Variants in PHKA2 observed in about 807,000 individuals in gnomAD.
PHKA2 encodes phosphorylase b kinase regulatory subunit alpha, liver isoform.
In PHKA2, 31 loss-of-function variants were observed where a neutral mutation model predicts 102.0. The ratio of observed to expected loss-of-function variants is 0.30; its 90% CI spans 0.23 to 0.41. The LOEUF is 0.41. Ranked by LOEUF, PHKA2 falls within the 10% of genes least tolerant of loss-of-function variation. The probability of loss-of-function intolerance (pLI) is 1.00; values close to 1 mark genes in which losing one functional copy is unlikely to be tolerated. For missense variants in PHKA2, 858 were observed against 1,023.1 expected, an observed-to-expected ratio of 0.84 and a Z score of 2.20; for synonymous variants, 455 against 416.2, an observed-to-expected ratio of 1.09 and a Z score of -1.13.
chrX:18,907,773 C>T (rs1370220880), intron 22 of PHKA2, 127 bp downstream of exon 22: 1 of 739,134 alleles, frequency 1.4e-6, no homozygotes, highest in African/African-American at 2.1e-5. Context: ...GAAGGGCCCG[C>T]TCCACCTGTG....
In PHKA2 at chrX:18,908,388, C is replaced by A. The variant is rs576361230; in HGVS notation, c.2361-332G>T. On this transcript the variant is annotated intron_variant, in intron 21 of 32. Transcript: ENST00000379942. Reference sequence around the variant, plus strand: ...GCTGGCTAGAAGGCCAAGAATACTACGGAAAAAATTAAGGAGAACTGAGAA... The same window carrying A: ...GCTGGCTAGAAGGCCAAGAATACTAAGGAAAAAATTAAGGAGAACTGAGAA... Among the ~76,000 whole-genome samples, 5 of 112,086 alleles carry A rather than the reference C, an allele frequency of 4.5e-5. No individual in the cohort carries two copies. In the South Asian group the frequency reaches 1.8e-3, roughly 41 times the overall value.
intron 29 of PHKA2, among the ~76,000 whole-genome samples, chrX:18,898,513 G>A (rs1326380935): frequency 8.8e-6 from 1 of 113,154 alleles, no homozygotes; most frequent in African/African-American, 3.2e-5. Flanking sequence ...ACAGTCAAAT[G>A]TAAAGGGTTA....
chrX:18,931,229 T>C (rs888750223), intron 12 of PHKA2, among the ~76,000 whole-genome samples: 9 of 112,153 alleles, frequency 8.0e-5, no homozygotes, highest in Admixed American at 1.9e-4. Flanking sequence ...TGTAGAGATC[T>C]GTGGCCCTTG....
Position 18,908,849 on chromosome X carries a change from G to A in PHKA2, c.2312C>T (p.Ser771Leu), listed in dbSNP as rs370591245. Reference protein sequence around the residue: ...EKLVEQLKDCSNLQDQADILY... With the variant: ...EKLVEQLKDCLNLQDQADILY... The stretch of plus-strand genomic sequence containing the variant: ...AATGTCTGCTTGGTCCTGTAGGTTC[G>A]AACAATCTTTTAGCTGCTCAACCAG... The change falls in exon 21 of 33, where the codon TCG (serine) becomes TTG (leucine). Residue 771 changes from serine (S) to leucine (L), a missense_variant. Ser to Leu is a moderately radical substitution (Grantham distance 145, BLOSUM62 -2). This residue lies in a region of PHKA2 where 671 missense variants were observed against 745.2 expected (regional missense o/e 0.90). Coordinates refer to ENST00000379942, the MANE Select transcript of PHKA2 (RefSeq NM_000292.3). The A allele has an allele frequency of 2.5e-6, 3 of 1,208,358 alleles. No individual in the cohort carries two copies. Among genetic ancestry groups the A allele is most frequent in the Non-Finnish European group, 3.4e-6 (3 of 893,736 alleles).
chrX:18,962,792 A>G (rs1189345186), intron 1 of PHKA2, among the ~76,000 whole-genome samples: 2 of 112,433 alleles, frequency 1.8e-5, no homozygotes, highest in Admixed American at 1.9e-4. Flanking sequence ...AACAAGGGAA[A>G]TAAGAGCCTC....
intron 2 of PHKA2, among the ~76,000 whole-genome samples, chrX:18,952,928 T>C (rs751267368): frequency 9.4e-4 from 106 of 112,475 alleles, no homozygotes; most frequent in Non-Finnish European, 1.7e-3. Context: ...TTTGCCAACA[T>C]GGCCATTTGT....
At position 18,927,279 on chromosome X, in the gene PHKA2, C is replaced by T. The variant is rs910208692; in HGVS notation, c.1325-692G>A. Among the ~76,000 whole-genome samples the T allele has an allele frequency of 4.5e-5, 5 of 112,095 alleles. No homozygotes were observed. In the Admixed American group the frequency reaches 4.7e-4, roughly 10 times the overall value. On this transcript the variant is annotated intron_variant, in intron 13 of 32. Transcript: ENST00000379942. ...CTGATTGTGCCTGGGACCTGGGGGC[C>T]CATGGAGGAGGGAGGCCATCACCGG... is the stretch of plus-strand genomic sequence containing the variant.
intron 1 of PHKA2, among the ~76,000 whole-genome samples, chrX:18,973,657 A>G (rs1363984325): frequency 1.8e-5 from 2 of 111,805 alleles, no homozygotes; most frequent in African/African-American, 6.5e-5. Context: ...TTTATCTGAA[A>G]CAGTTTAAGA....
chrX:18,981,125 G>C (rs1375300749), intron 1 of PHKA2, among the ~76,000 whole-genome samples: 1 of 111,052 alleles, frequency 9.0e-6, no homozygotes, highest in East Asian at 2.8e-4. Context: ...CGTTTTTCTA[G>C]AGTAGTTAGG....
chrX:18,977,198 A>G (rs1198935881), intron 1 of PHKA2, among the ~76,000 whole-genome samples: 1 of 112,085 alleles, frequency 8.9e-6, no homozygotes, highest in Admixed American at 9.5e-5. Context: ...AACATATATG[A>G]CAGGCATCAG....
chrX:18,907,005 G>T lies in PHKA2; in HGVS notation c.2597+13C>A, dbSNP rs918288558. On this transcript the variant is annotated intron_variant, in intron 23 of 32. Transcript: ENST00000379942. ...CCCCCGCAAACCTGAGGTCCCCAAG[G>T]CTGAGGACTTACGCAGAGATGATCT... is the stretch of plus-strand genomic sequence containing the variant. 34 of 1,182,093 alleles carry T rather than the reference G, an allele frequency of 2.9e-5. No individual in the cohort carries two copies. The highest frequency in any genetic ancestry group is 3.7e-5 in the Non-Finnish European group (32 of 875,876).
At chrX:18,927,319 C>A (rs904622701) in intron 13 of PHKA2, among the ~76,000 whole-genome samples, 1 of 112,336 alleles carries the variant, frequency 8.9e-6, no homozygotes, top group Non-Finnish European at 1.9e-5. Context: ...AACCCGGGAT[C>A]GGCTAGGCTG....
chrX:18,953,312 T>C (rs1217646210), intron 2 of PHKA2, among the ~76,000 whole-genome samples: 1 of 111,927 alleles, frequency 8.9e-6, no homozygotes, highest in Non-Finnish European at 1.9e-5. Flanking sequence ...TGGTTCTGGA[T>C]TTTGGAAAAC....
chrX:18,968,296 T>A (rs1183396183), intron 1 of PHKA2, among the ~76,000 whole-genome samples: 2 of 112,106 alleles, frequency 1.8e-5, no homozygotes, highest in African/African-American at 6.5e-5. Context: ...ATTAACATTT[T>A]AAAAAATCTC....
chrX:18,894,112 C>T, intron 32 of PHKA2, 92 bp downstream of exon 32: 1 of 849,431 alleles, frequency 1.2e-6, no homozygotes, highest in Admixed American at 2.4e-5. Context: ...ATGACATTTT[C>T]TTGGTTCGAG....
At chrX:18,975,638 C>A (rs1230673866) in intron 1 of PHKA2, among the ~76,000 whole-genome samples, 5 of 112,189 alleles carry the variant, frequency 4.5e-5, no homozygotes, top group Non-Finnish European at 9.4e-5. Flanking sequence ...AGCCTAAAAT[C>A]TTGAAGTCAT....
intron 12 of PHKA2, among the ~76,000 whole-genome samples, chrX:18,931,270 C>T (rs1007195416): frequency 3.6e-4 from 40 of 111,485 alleles, no homozygotes; most frequent in South Asian, 2.3e-3. Context: ...GGGGCAGGGG[C>T]ACCTAGGGGC....
chrX:18,920,911 C>T (rs1402624662), intron 17 of PHKA2, among the ~76,000 whole-genome samples: 1 of 112,339 alleles, frequency 8.9e-6, no homozygotes, highest in Non-Finnish European at 1.9e-5. Context: ...ATCCCTCCCT[C>T]AGAGTTATCA....
chrX:18,907,133 C>T (rs764304694), intron 22 of PHKA2, 36 bp from the exon 23 acceptor site: 30 of 1,017,205 alleles, frequency 2.9e-5, no homozygotes, highest in Middle Eastern at 2.6e-4. Flanking sequence ...AGGCAGAGCG[C>T]GAGAGAGATA....
Sources: gnomAD v4.1 joint callset for allele counts (sites outside exome capture counted in the v4.1 genomes callset) on GRCh38, gnomAD v4.1.1 for gene constraint, gnomAD v4.1.1 regional missense constraint, MANE v1.5 for transcripts, NCBI Gene and HGNC (gene_info 2026-07-23, HGNC 2026-07-21) for gene names.